PIGL: variants seen among roughly 807,000 people sequenced by gnomAD.
The protein encoded by PIGL is N-acetylglucosaminyl-phosphatidylinositol de-N-acetylase.
A neutral mutation model predicts 31.1 loss-of-function variants in PIGL; 22 were observed. That is an observed-to-expected ratio of 0.71 (90% CI 0.51 to 1.01). PIGL has a LOEUF of 1.01. Ranked by LOEUF, PIGL falls within the 50% of genes least tolerant of loss-of-function variation. PIGL has a pLI of 0.00. For missense variants in PIGL, 302 were observed against 315.9 expected (o/e 0.96, Z 0.33); for synonymous variants, 131 against 117.4 (o/e 1.12, Z -0.75).
intron 1 of PIGL, among the ~76,000 whole-genome samples, chr17:16,225,481 T>G (rs938322503): frequency 6.7e-6 from 1 of 148,640 alleles, no homozygotes; most frequent in African/African-American, 2.5e-5. Flanking sequence ...CTCCGCCTCC[T>G]GGGTTCACGC....
At chr17:16,258,071 G>GAGAGAGAGAGAGAGAGAGAGAA (rs2092802307) in intron 2 of PIGL, among the ~76,000 whole-genome samples, 1 of 28,460 alleles carries the variant, frequency 3.5e-5, no homozygotes, top group African/African-American at 1.1e-4. Context: ...CAGAAAGAAA[G>GAGAGAGAGAGAGAGAGAGAGAA]AGAGAGAGAG....
chr17:16,305,234 A>ATCACG (rs1385338104), intron 3 of PIGL, among the ~76,000 whole-genome samples: 10 of 152,254 alleles, frequency 6.6e-5, no homozygotes, highest in Non-Finnish European at 1.3e-4. Flanking sequence ...AGTGAGCATG[A>ATCACG]TCACGTCACG....
chr17:16,222,755 T>C (rs1382671192), intron 1 of PIGL, among the ~76,000 whole-genome samples: 1 of 149,272 alleles, frequency 6.7e-6, no homozygotes, highest in East Asian at 1.9e-4. Flanking sequence ...CTTACACCAG[T>C]AATCCCAGCA....
Position 16,325,879 on chromosome 17 carries a change from A to G in PIGL, c.740A>G (p.Asn247Ser), listed in dbSNP as rs2142884819. 1.2e-6 allele frequency: 2 copies of G among 1,613,312 alleles called. No homozygotes were observed. The highest frequency in any genetic ancestry group is 1.7e-6 in the Non-Finnish European group (2 of 1,179,300). The change falls in exon 7 of 7, where the codon AAC becomes AGC. Residue 247 changes from asparagine to serine, a missense_variant. Transcript: ENST00000225609. Reference protein sequence around the residue: ...YIIFSRYMRINSLSFL With the variant: ...YIIFSRYMRISSLSFL ...ATCTTCTCCCGGTACATGAGAATCAACTCACTGAGCTTCCTCTGAAGCCTT... is the reference window on the plus strand; with the variant it reads ...ATCTTCTCCCGGTACATGAGAATCAGCTCACTGAGCTTCCTCTGAAGCCTT...
chr17:16,226,111 A>G (rs2092651127), intron 1 of PIGL, among the ~76,000 whole-genome samples: 1 of 152,112 alleles, frequency 6.6e-6, no homozygotes. Context: ...TTGCGACTAG[A>G]GTAAGCTATG....
At chr17:16,250,176 A>T (rs1013103238) in intron 2 of PIGL, among the ~76,000 whole-genome samples, 10 of 151,936 alleles carry the variant, frequency 6.6e-5, no homozygotes, top group African/African-American at 2.4e-4. Flanking sequence ...CGAACTCCTG[A>T]CCTCAGGTGA....
chr17:16,319,118 G>A lies in PIGL; in HGVS notation c.660+1210G>A, dbSNP rs992322280. 4.0e-5 allele frequency among the ~76,000 whole-genome samples: 6 copies of A among 150,944 alleles called. No individual in the cohort carries two copies. The East Asian group carries it at 7.8e-4, about 20-fold the overall frequency. On this transcript the variant is annotated intron_variant, in intron 6 of 6. Coordinates refer to ENST00000225609, the MANE Select transcript of PIGL (RefSeq NM_004278.4). ...CACATGCCAGTGGTCCCAGCTACTC[G>A]GGTAGCTGAGGCAGGAGGATCACTT...
intron 2 of PIGL, among the ~76,000 whole-genome samples, chr17:16,261,141 T>C (rs867800562): frequency 1.0e-4 from 15 of 146,334 alleles, no homozygotes; most frequent in Middle Eastern, 3.6e-3. Flanking sequence ...AAAAAAGAGC[T>C]GTAATACAAA....
chr17:16,269,665 AAT>A lies in PIGL; in HGVS notation c.336-30222_336-30221del, dbSNP rs1555856232. Among the ~76,000 whole-genome samples, 291 of 147,024 alleles carry A rather than the reference AAT, an allele frequency of 2.0e-3. 5 individuals carry two copies. Among genetic ancestry groups the A allele is most frequent in the Middle Eastern group, 7.0e-3 (2 of 286 alleles). ...CTCCGTCTCAAAAAAAAAAAAAAAA[AAT>A]TAGAATTACCTGGGGCATTTGATAA... On this transcript the variant is annotated intron_variant, in intron 2 of 6. Coordinates refer to ENST00000225609, the MANE Select transcript of PIGL (RefSeq NM_004278.4).
At chr17:16,234,176 T>G in intron 2 of PIGL, 106 bp downstream of exon 2, 2 of 683,318 alleles carry the variant, frequency 2.9e-6, no homozygotes, top group Non-Finnish European at 5.1e-6. Flanking sequence ...ACATCTTGTA[T>G]GAAAAGTCTA....
At chr17:16,244,836 A>G in intron 2 of PIGL, among the ~76,000 whole-genome samples, 1 of 151,840 alleles carries the variant, frequency 6.6e-6, no homozygotes, top group Non-Finnish European at 1.5e-5. Context: ...CACCACATCT[A>G]GCTAATTTTT....
intron 2 of PIGL, among the ~76,000 whole-genome samples, chr17:16,253,145 C>A (rs960863575): frequency 6.6e-6 from 1 of 151,982 alleles, no homozygotes; most frequent in African/African-American, 2.4e-5. Flanking sequence ...GCCCAGTTAC[C>A]CGGGAGGCTG....
chr17:16,313,707 C>G, intron 4 of PIGL, 93 bp downstream of exon 4: 5 of 1,034,476 alleles, frequency 4.8e-6, no homozygotes, highest in Non-Finnish European at 7.6e-6. Context: ...CACTTGTTAT[C>G]TGAGCCCATG....
At chr17:16,222,850 A>G (rs1391999897) in intron 1 of PIGL, among the ~76,000 whole-genome samples, 1 of 152,038 alleles carries the variant, frequency 6.6e-6, no homozygotes. Context: ...CATTTCTACT[A>G]AAAATACAAA....
intron 1 of PIGL, among the ~76,000 whole-genome samples, chr17:16,224,392 C>T (rs2092642603): frequency 6.6e-6 from 1 of 151,804 alleles, no homozygotes; most frequent in South Asian, 2.1e-4. Context: ...CTGTAGCCTC[C>T]GCCTCCTGGA....
intron 1 of PIGL, 46 bp downstream of exon 1, chr17:16,217,507 G>A (rs1397068094): frequency 6.9e-7 from 1 of 1,454,422 alleles, no homozygotes; most frequent in Non-Finnish European, 9.6e-7. Flanking sequence ...CTTTGAAAGG[G>A]ATTTAAGTGC....
chr17:16,248,304 A>T (rs577284393), intron 2 of PIGL, among the ~76,000 whole-genome samples: 11 of 152,304 alleles, frequency 7.2e-5, no homozygotes, highest in African/African-American at 2.4e-4. Flanking sequence ...ACATTTTACT[A>T]TAAACAGTCA....
chr17:16,234,680 G>A (rs1456704523), intron 2 of PIGL, among the ~76,000 whole-genome samples: 5 of 152,148 alleles, frequency 3.3e-5, no homozygotes, highest in East Asian at 1.9e-4. Context: ...CAGGAGAATC[G>A]CTTGAACCTG....
At chr17:16,230,262 C>T (rs145660270) in intron 1 of PIGL, among the ~76,000 whole-genome samples, 45 of 152,190 alleles carry the variant, frequency 3.0e-4, no homozygotes, top group African/African-American at 1.0e-3. Context: ...CCTCTGGGCT[C>T]CAGTAACACT....
Sources: gnomAD v4.1 joint callset for allele counts (sites outside exome capture counted in the v4.1 genomes callset) on GRCh38, gnomAD v4.1.1 for gene constraint, MANE v1.5 for transcripts, NCBI Gene and HGNC (gene_info 2026-07-23, HGNC 2026-07-21) for gene names.